Variants in ZNF93 observed in about 807,000 individuals in gnomAD.
The protein encoded by ZNF93 is zinc finger protein 505.
In ZNF93, 29 loss-of-function variants were observed where a neutral mutation model predicts 45.0. That is an observed-to-expected ratio of 0.64 (90% CI 0.48 to 0.88). The LOEUF (loss-of-function observed/expected upper bound fraction) is 0.88, where lower values mean the gene tolerates loss of function less well. Among genes scored for constraint, ZNF93 ranks in the 40% least tolerant of loss-of-function variants. ZNF93 has a pLI of 0.00. For synonymous variants in ZNF93, 223 were observed against 244.6 expected (o/e 0.91, Z 0.82); for missense variants, 578 against 724.0 (o/e 0.80, Z 2.31).
chr19:19,904,309 C>G (rs2063286145), intron 1 of ZNF93, among the ~76,000 whole-genome samples: 1 of 152,078 alleles, frequency 6.6e-6, no homozygotes, highest in South Asian at 2.1e-4. Context: ...TTCATCTTTC[C>G]CCATCTCTTT....
rs137865670 is a variant in ZNF93, at chr19:19,934,735, G to A, written c.1780G>A (p.Glu594Lys). 6.8e-6 allele frequency: 11 copies of A among 1,611,080 alleles called. No individual in the cohort carries two copies. Among genetic ancestry groups the A allele is most frequent in the South Asian group, 5.5e-5 (5 of 90,600 alleles). Residue 594 changes from glutamate to lysine, a missense_variant, in exon 4 of 4, where the codon GAG (glutamate) becomes AAG (lysine). By Grantham distance (56) the Glu-to-Lys change is moderately conservative (BLOSUM62 1). This residue lies in a region of ZNF93 where 119 missense variants were observed against 123.1 expected (regional missense o/e 0.97). Transcript: ENST00000343769. ...AATCCATTCTGGAGAGAAACCATAC[G>A]AGTGTGATAAATGTGGCAAAGCCTT... ...KKIHSGEKPY[E>K]CDKCGKAFIS...
chr19:19,916,207 C>T (rs893742684), intron 2 of ZNF93, among the ~76,000 whole-genome samples: 1 of 151,846 alleles, frequency 6.6e-6, no homozygotes, highest in Non-Finnish European at 1.5e-5. Flanking sequence ...GCTGGGACTA[C>T]AGGCATGCAT....
chr19:19,928,671 A>G (rs2063363224), intron 3 of ZNF93, among the ~76,000 whole-genome samples: 1 of 152,142 alleles, frequency 6.6e-6, no homozygotes, highest in South Asian at 2.1e-4. Context: ...AGGACTGTAG[A>G]CATGCACTAC....
intron 3 of ZNF93, among the ~76,000 whole-genome samples, chr19:19,924,586 CT>C (rs61018542): frequency 0.28 from 41,257 of 146,198 alleles, 11,360 homozygotes; most frequent in African/African-American, 0.72. Context: ...TTTTTTCTTT[CT>C]TTTTTTTTTT....
In ZNF93 at chr19:19,934,253, C is replaced by A; in HGVS notation, c.1298C>A (p.Ala433Asp). 6.2e-7 allele frequency: 1 copy of A among 1,612,568 alleles called. No homozygotes were observed. ...TACAAATGTGAAGAATGTGGCAAAG[C>A]CTTTGTTGCATCCTCAACCCTTAGT... Reference protein sequence around the residue: ...KPYKCEECGKAFVASSTLSKH... With the variant: ...KPYKCEECGKDFVASSTLSKH... The change falls in exon 4 of 4, where the codon GCC (alanine) becomes GAC (aspartate). Residue 433 changes from alanine to aspartate, a missense_variant. Around this residue, in one of 3 missense-constraint regions of ZNF93, gnomAD observed 446 missense variants for 547.6 expected, o/e 0.81. Transcript: ENST00000343769.
Position 19,916,584 on chromosome 19 carries a change from T to C in ZNF93, c.155T>C (p.Leu52Pro). The change falls in exon 3 of 4, where the codon CTG becomes CCG. Residue 52 changes from leucine (L) to proline (P), a missense_variant. Physicochemically the swap from Leu to Pro is moderately conservative, Grantham distance 98. Coordinates refer to ENST00000343769, the MANE Select transcript of ZNF93 (RefSeq NM_031218.4). ...GGTATTGTTGTCTCTAAGCCAGACC[T>C]GATCGCCCATCTGGAGCAAGGAAAA... ...FLGIVVSKPD[L>P]IAHLEQGKKP... 1.9e-6 allele frequency: 3 copies of C among 1,612,134 alleles called. No individual in the cohort carries two copies. The highest frequency in any genetic ancestry group is 2.5e-6 in the Non-Finnish European group (3 of 1,179,324).
chr19:19,909,865 C>T (rs999063430), intron 1 of ZNF93, among the ~76,000 whole-genome samples: 1 of 152,228 alleles, frequency 6.6e-6, no homozygotes, highest in African/African-American at 2.4e-5. Context: ...ATTAAATATG[C>T]ACGTGGAATT....
At chr19:19,905,442 C>G (rs549402744) in intron 1 of ZNF93, among the ~76,000 whole-genome samples, 1 of 152,080 alleles carries the variant, frequency 6.6e-6, no homozygotes, top group African/African-American at 2.4e-5. Flanking sequence ...ATTTAGCTCT[C>G]CCTTGTAAAT....
intron 1 of ZNF93, among the ~76,000 whole-genome samples, chr19:19,901,802 C>G (rs1331888377): frequency 6.6e-6 from 1 of 151,842 alleles, no homozygotes; most frequent in African/African-American, 2.4e-5. Context: ...GGGTTAAATC[C>G]CCTTCCTGGC....
chr19:19,922,233 G>T (rs185076196), intron 3 of ZNF93, among the ~76,000 whole-genome samples: 1,811 of 152,268 alleles, frequency 0.012, 17 homozygotes, highest in Middle Eastern at 0.031. Flanking sequence ...GAAATTCTGG[G>T]TTAAAAATTC....
chr19:19,904,008 G>A (rs1426737374), intron 1 of ZNF93, among the ~76,000 whole-genome samples: 2 of 149,822 alleles, frequency 1.3e-5, no homozygotes, highest in African/African-American at 2.5e-5. Flanking sequence ...GCAGTGAACC[G>A]AGATTGCGCC....
At chr19:19,901,973 C>T (rs186864209) in intron 1 of ZNF93, among the ~76,000 whole-genome samples, 114 of 152,170 alleles carry the variant, frequency 7.5e-4, no homozygotes, top group African/African-American at 2.6e-3. Flanking sequence ...GTCTGTAATC[C>T]CAGCTACTTG....
chr19:19,906,953 A>G (rs114801978), intron 1 of ZNF93, among the ~76,000 whole-genome samples: 49 of 148,672 alleles, frequency 3.3e-4, no homozygotes, highest in African/African-American at 1.1e-3. Flanking sequence ...AGGTGCATCT[A>G]GTGTGCAAAA....
intron 2 of ZNF93, among the ~76,000 whole-genome samples, chr19:19,916,192 G>A (rs1420554713): frequency 6.6e-6 from 1 of 150,614 alleles, no homozygotes; most frequent in African/African-American, 2.4e-5. Context: ...TCAATCTCCC[G>A]AGTAGCTGGG....
chr19:19,906,391 ATTC>A (rs1207742811), intron 1 of ZNF93, among the ~76,000 whole-genome samples: 1 of 151,954 alleles, frequency 6.6e-6, no homozygotes, highest in East Asian at 1.9e-4. Flanking sequence ...TTGTTTGGTT[ATTC>A]TTGTAAAATT....
intron 1 of ZNF93, among the ~76,000 whole-genome samples, chr19:19,901,590 C>T (rs1254089326): frequency 6.6e-6 from 1 of 151,774 alleles, no homozygotes; most frequent in African/African-American, 2.4e-5. Flanking sequence ...AGTTCCTCTT[C>T]AGAGACTCAA....
intron 1 of ZNF93, among the ~76,000 whole-genome samples, chr19:19,910,998 G>A (rs190710568): frequency 1.4e-4 from 21 of 152,308 alleles, no homozygotes; most frequent in Non-Finnish European, 2.5e-4. Flanking sequence ...AGGAGAAATA[G>A]ACTCAGATGG....
chr19:19,907,232 T>G (rs1407844205), intron 1 of ZNF93, among the ~76,000 whole-genome samples: 1 of 152,138 alleles, frequency 6.6e-6, no homozygotes, highest in Non-Finnish European at 1.5e-5. Context: ...GACACAGATT[T>G]GTTTAGATAA....
chr19:19,930,387 C>T lies in ZNF93; in HGVS notation c.227-2795C>T, dbSNP rs552892127. On this transcript the variant is annotated intron_variant, in intron 3 of 3. Coordinates refer to ENST00000343769, the MANE Select transcript of ZNF93 (RefSeq NM_031218.4). ...CATCACAGGGAGACGGTTAGGCCTCCGGATAACTGCAGGCAGGCCTGACTG... is the reference window on the plus strand; with the variant it reads ...CATCACAGGGAGACGGTTAGGCCTCTGGATAACTGCAGGCAGGCCTGACTG... 7.9e-5 allele frequency among the ~76,000 whole-genome samples: 12 copies of T among 152,246 alleles called. No individual in the cohort carries two copies. In the East Asian group the frequency reaches 2.3e-3, roughly 29 times the overall value.
Sources: gnomAD v4.1 joint callset for allele counts (sites outside exome capture counted in the v4.1 genomes callset) on GRCh38, gnomAD v4.1.1 for gene constraint, gnomAD v4.1.1 regional missense constraint, MANE v1.5 for transcripts, NCBI Gene and HGNC (gene_info 2026-07-23, HGNC 2026-07-21) for gene names.